Variants in RALGPS2 observed in about 807,000 individuals in gnomAD.
RALGPS2 encodes the protein Ral GEF with PH domain and SH3 binding motif 2.
RALGPS2 carries 43 observed loss-of-function variants against 86.8 expected under a neutral mutation model. The observed-to-expected ratio is 0.50, with a 90% CI of 0.39 to 0.64. RALGPS2 has a LOEUF of 0.64. RALGPS2 is among the 30% of genes least tolerant of loss of function. The probability of loss-of-function intolerance (pLI) is 0.00; values close to 1 mark genes in which losing one functional copy is unlikely to be tolerated. For synonymous variants in RALGPS2, 243 were observed against 231.3 expected (o/e 1.05, Z -0.46); for missense variants, 536 against 694.6 (o/e 0.77, Z 2.57).
chr1:178,761,850 A>G (rs1238953036), intron 1 of RALGPS2, among the ~76,000 whole-genome samples: 1 of 152,054 alleles, frequency 6.6e-6, no homozygotes, highest in Non-Finnish European at 1.5e-5. Context: ...TTAGTTCCAG[A>G]AGCTCTGATT....
chr1:178,795,544 C>G (rs1426517213), intron 4 of RALGPS2, among the ~76,000 whole-genome samples: 2 of 152,002 alleles, frequency 1.3e-5, no homozygotes, highest in Non-Finnish European at 2.9e-5. Context: ...TCCTGAGTAG[C>G]TGGGATAACA....
intron 18 of RALGPS2, among the ~76,000 whole-genome samples, chr1:178,902,715 G>A (rs1489069534): frequency 6.6e-6 from 1 of 151,940 alleles, no homozygotes; most frequent in Non-Finnish European, 1.5e-5. Context: ...ATATTCTGCA[G>A]TCTTATCCAC....
chr1:178,915,715 T>TA (rs1660786073), intron 19 of RALGPS2, among the ~76,000 whole-genome samples: 1 of 152,214 alleles, frequency 6.6e-6, no homozygotes, highest in South Asian at 2.1e-4. Flanking sequence ...GAGAGGTTGC[T>TA]AAACTGTGAG....
chr1:178,770,027 T>C (rs1441939048), intron 1 of RALGPS2, among the ~76,000 whole-genome samples: 2 of 151,596 alleles, frequency 1.3e-5, no homozygotes, highest in Non-Finnish European at 2.9e-5. Flanking sequence ...TCTTTTTTTT[T>C]TTTTTTTGAG....
At chr1:178,795,452 G>A (rs927048812) in intron 4 of RALGPS2, among the ~76,000 whole-genome samples, 5 of 152,116 alleles carry the variant, frequency 3.3e-5, no homozygotes, top group Admixed American at 1.3e-4. Flanking sequence ...TTACTCTGTT[G>A]CCCAGGCTAG....
At chr1:178,880,021 A>G (rs1216544360) in intron 10 of RALGPS2, among the ~76,000 whole-genome samples, 2 of 151,908 alleles carry the variant, frequency 1.3e-5, no homozygotes, top group African/African-American at 4.8e-5. Flanking sequence ...TTTTAGCTTC[A>G]TTTGTTACTT....
chr1:178,726,923 ACATAAGTGTAT>A (rs1650050814), intron 1 of RALGPS2, among the ~76,000 whole-genome samples: 1 of 152,230 alleles, frequency 6.6e-6, no homozygotes, highest in South Asian at 2.1e-4. Context: ...AGAATCATAC[ACATAAGTGTAT>A]TACTCTTACG....
In RALGPS2 at chr1:178,916,901, G is replaced by A. The variant is rs1307532510; in HGVS notation, c.*542G>A. On this transcript the variant is annotated 3_prime_UTR_variant, in exon 20 of 20. Coordinates refer to ENST00000367635, the MANE Select transcript of RALGPS2 (RefSeq NM_152663.5). Reference sequence around the variant, plus strand: ...CCCTCTAGTAGTCTGCAACCTCACTGGCTTTCTCACAGCAAGAGTGTAGGA... The same window carrying A: ...CCCTCTAGTAGTCTGCAACCTCACTAGCTTTCTCACAGCAAGAGTGTAGGA... The A allele has an allele frequency of 6.6e-6, 1 of 152,308 alleles. No individual in the cohort carries two copies. Among genetic ancestry groups the A allele is most frequent in the African/African-American group, 2.4e-5 (1 of 41,434 alleles). 9.4% of individuals were successfully genotyped at this position (152,308 alleles called of 1,614,324 possible). A position where few individuals can be genotyped will look rare whatever the true frequency, so the allele number is the denominator to read the frequency against.
intron 18 of RALGPS2, among the ~76,000 whole-genome samples, chr1:178,905,946 T>A (rs957046324): frequency 7.2e-5 from 11 of 152,198 alleles, no homozygotes; most frequent in African/African-American, 2.2e-4. Flanking sequence ...TATTGACAAA[T>A]ATCTTGTAAC....
At chr1:178,910,592 T>G (rs1181086906) in intron 19 of RALGPS2, among the ~76,000 whole-genome samples, 3 of 152,244 alleles carry the variant, frequency 2.0e-5, no homozygotes, top group Non-Finnish European at 4.4e-5. Context: ...TGAACCAACC[T>G]TGCATCTCAG....
At chr1:178,760,602 C>T (rs994406118) in intron 1 of RALGPS2, among the ~76,000 whole-genome samples, 4 of 152,234 alleles carry the variant, frequency 2.6e-5, no homozygotes, top group South Asian at 2.1e-4. Flanking sequence ...AGACAGCAGA[C>T]GGATGGGTCT....
intron 8 of RALGPS2, among the ~76,000 whole-genome samples, chr1:178,846,497 A>G (rs1437260386): frequency 1.3e-5 from 2 of 152,050 alleles, no homozygotes; most frequent in Non-Finnish European, 2.9e-5. Flanking sequence ...CCCATTTTCC[A>G]TTACCTCATT....
At chr1:178,823,758 G>GA (rs910898675) in intron 7 of RALGPS2, among the ~76,000 whole-genome samples, 1 of 152,214 alleles carries the variant, frequency 6.6e-6, no homozygotes, top group African/African-American at 2.4e-5. Context: ...GAGGTATAGA[G>GA]AAGGACCATT....
At chr1:178,748,573 C>G (rs375264713) in intron 1 of RALGPS2, among the ~76,000 whole-genome samples, 1 of 150,322 alleles carries the variant, frequency 6.7e-6, no homozygotes, top group African/African-American at 2.4e-5. Context: ...CAGGCACTGG[C>G]TGGGCACGGT....
chr1:178,907,391 G>A (rs754869522), intron 19 of RALGPS2, among the ~76,000 whole-genome samples: 3 of 152,148 alleles, frequency 2.0e-5, no homozygotes, highest in Non-Finnish European at 2.9e-5. Flanking sequence ...AAAATTATTC[G>A]AATTCATCTT....
chr1:178,788,053 C>T (rs979806032), intron 4 of RALGPS2, among the ~76,000 whole-genome samples: 2 of 152,190 alleles, frequency 1.3e-5, no homozygotes, highest in African/African-American at 4.8e-5. Flanking sequence ...CCCCATCTTA[C>T]ATCTTTCCTG....
At chr1:178,844,358 TG>T (rs1436714238) in intron 8 of RALGPS2, among the ~76,000 whole-genome samples, 1 of 152,204 alleles carries the variant, frequency 6.6e-6, no homozygotes, top group Non-Finnish European at 1.5e-5. Flanking sequence ...TACCAATTTT[TG>T]TGAAGCTTGT....
intron 19 of RALGPS2, among the ~76,000 whole-genome samples, chr1:178,914,668 G>A (rs992897312): frequency 2.6e-5 from 4 of 151,706 alleles, no homozygotes; most frequent in South Asian, 2.1e-4. Context: ...TCCCAATCCC[G>A]AGGGCATTTT....
At chr1:178,751,995 A>G (rs1651707005) in intron 1 of RALGPS2, among the ~76,000 whole-genome samples, 1 of 152,206 alleles carries the variant, frequency 6.6e-6, no homozygotes, top group Non-Finnish European at 1.5e-5. Context: ...GTGGGTTCTC[A>G]CTATTCCATC....
Sources: gnomAD v4.1 joint callset for allele counts (sites outside exome capture counted in the v4.1 genomes callset) on GRCh38, gnomAD v4.1.1 for gene constraint, MANE v1.5 for transcripts, NCBI Gene and HGNC (gene_info 2026-07-23, HGNC 2026-07-21) for gene names.